JADE3: variants seen among roughly 807,000 people sequenced by gnomAD.
JADE3 encodes protein Jade-3.
In JADE3, 2 loss-of-function variants were observed where a neutral mutation model predicts 50.1. That is an observed-to-expected ratio of 0.04 (90% CI 0.02 to 0.13). The LOEUF (loss-of-function observed/expected upper bound fraction) is 0.13. JADE3 is among the 10% of genes least tolerant of loss of function. The probability of loss-of-function intolerance (pLI) is 1.00; values close to 1 mark genes in which losing one functional copy is unlikely to be tolerated. For synonymous variants in JADE3, 218 were observed against 232.9 expected (o/e 0.94, Z 0.58); for missense variants, 475 against 634.4 (o/e 0.75, Z 2.70).
At chrX:47,007,850 T>A (rs1928467622) in intron 4 of JADE3, among the ~76,000 whole-genome samples, 1 of 107,502 alleles carries the variant, frequency 9.3e-6, no homozygotes, top group African/African-American at 3.4e-5. Flanking sequence ...TGTGTGTGTG[T>A]GTGTGTTCTC....
chrX:46,968,459 A>G (rs1432839951), intron 1 of JADE3, among the ~76,000 whole-genome samples: 1 of 111,368 alleles, frequency 9.0e-6, no homozygotes, highest in African/African-American at 3.3e-5. Context: ...CTGTAGTCCT[A>G]GCTACCTGGG....
chrX:46,929,096 G>A, intron 1 of JADE3, among the ~76,000 whole-genome samples: 1 of 110,866 alleles, frequency 9.0e-6, no homozygotes, highest in South Asian at 3.8e-4. Context: ...GCTCTTCCCT[G>A]GCTCCAGTTT....
chrX:46,925,208 C>T (rs782817622), intron 1 of JADE3, among the ~76,000 whole-genome samples: 2 of 112,482 alleles, frequency 1.8e-5, no homozygotes, highest in Non-Finnish European at 3.8e-5. Flanking sequence ...TGACATCCTC[C>T]TCCTATCACA....
intron 6 of JADE3, among the ~76,000 whole-genome samples, chrX:47,031,966 CG>C (rs1929028865): frequency 9.0e-6 from 1 of 111,612 alleles, no homozygotes; most frequent in Non-Finnish European, 1.9e-5. Flanking sequence ...GTGGGACAAA[CG>C]CAAGGGGCTA....
chrX:47,008,961 A>G (rs1928498517), intron 4 of JADE3, among the ~76,000 whole-genome samples: 1 of 111,131 alleles, frequency 9.0e-6, no homozygotes, highest in African/African-American at 3.3e-5. Flanking sequence ...ATATACACAT[A>G]GATACATTAT....
chrX:47,020,980 G>A (rs1384505090), intron 4 of JADE3, among the ~76,000 whole-genome samples: 4 of 110,562 alleles, frequency 3.6e-5, no homozygotes, highest in Non-Finnish European at 5.7e-5. Flanking sequence ...CCATCGTGGT[G>A]GTGTGTACCT....
intron 3 of JADE3, among the ~76,000 whole-genome samples, chrX:46,990,591 C>T (rs782327511): frequency 3.6e-5 from 4 of 111,415 alleles, no homozygotes; most frequent in Admixed American, 9.5e-5. Context: ...AGGAGAGGTG[C>T]CTCATTATTG....
In JADE3 at chrX:46,982,558, G is replaced by C. The variant is rs973896428; in HGVS notation, c.-11-2326G>C. On this transcript the variant is annotated intron_variant, in intron 1 of 10. Coordinates refer to ENST00000614628, the MANE Select transcript of JADE3 (RefSeq NM_014735.5). ...GGATAATATATTGTAACAATTGTGGGTACTACCCCTCCACCAGGGTTCTTT... is the reference window on the plus strand; with the variant it reads ...GGATAATATATTGTAACAATTGTGGCTACTACCCCTCCACCAGGGTTCTTT... 3.6e-5 allele frequency among the ~76,000 whole-genome samples: 4 copies of C among 111,187 alleles called. No homozygotes were observed. The East Asian group carries it at 8.5e-4, about 24-fold the overall frequency.
At chrX:46,954,991 T>C (rs1022449288) in intron 1 of JADE3, among the ~76,000 whole-genome samples, 1 of 112,559 alleles carries the variant, frequency 8.9e-6, no homozygotes, top group Non-Finnish European at 1.9e-5. Context: ...AGAACCTTAC[T>C]GGTTTAAAAG....
chrX:46,937,833 T>G (rs1431269046), intron 1 of JADE3, among the ~76,000 whole-genome samples: 2 of 110,276 alleles, frequency 1.8e-5, no homozygotes, highest in Non-Finnish European at 3.8e-5. Context: ...ATACAAAAAG[T>G]AGCCGGGCAT....
intron 1 of JADE3, among the ~76,000 whole-genome samples, chrX:46,917,858 C>CTCCTCCTCT (rs1926133174): frequency 8.8e-5 from 2 of 22,834 alleles, no homozygotes; most frequent in Admixed American, 5.4e-4. Context: ...TCTCTCTCAT[C>CTCCTCCTCT]CTCTCTCTCT....
intron 8 of JADE3, among the ~76,000 whole-genome samples, chrX:47,052,055 C>T (rs1929520467): frequency 8.9e-6 from 1 of 111,747 alleles, no homozygotes; most frequent in African/African-American, 3.3e-5. Flanking sequence ...AATCGCGCCA[C>T]TGCACTCCAG....
intron 4 of JADE3, among the ~76,000 whole-genome samples, chrX:47,004,210 G>A (rs1192557428): frequency 9.0e-6 from 1 of 111,397 alleles, no homozygotes; most frequent in Admixed American, 9.7e-5. Flanking sequence ...ACAGGCAGGA[G>A]CCAGTGCACC....
chrX:47,012,095 A>G (rs1928575135), intron 4 of JADE3, among the ~76,000 whole-genome samples: 2 of 111,350 alleles, frequency 1.8e-5, no homozygotes, highest in African/African-American at 3.3e-5. Flanking sequence ...CACACCTCCT[A>G]TGTTGTCTTT....
At chrX:47,042,430 A>G (rs1280951117) in intron 8 of JADE3, among the ~76,000 whole-genome samples, 10 of 111,502 alleles carry the variant, frequency 9.0e-5, no homozygotes, top group Non-Finnish European at 7.5e-5. Flanking sequence ...CAATTAATAG[A>G]TTGATGGATG....
chrX:46,931,716 G>A (rs185700207), intron 1 of JADE3, among the ~76,000 whole-genome samples: 35 of 111,818 alleles, frequency 3.1e-4, no homozygotes, highest in African/African-American at 9.4e-4. Flanking sequence ...GAGCCACTAC[G>A]CCCAGCCTAT....
intron 8 of JADE3, among the ~76,000 whole-genome samples, chrX:47,047,536 C>T (rs1158135038): frequency 9.6e-6 from 1 of 103,744 alleles, no homozygotes. Flanking sequence ...GCAACAAGAG[C>T]GAAACTCCAT....
At chrX:46,994,163 A>G (rs534077158) in intron 3 of JADE3, among the ~76,000 whole-genome samples, 1 of 112,425 alleles carries the variant, frequency 8.9e-6, no homozygotes, top group Non-Finnish European at 1.9e-5. Flanking sequence ...GCCAACTGAG[A>G]GATGTTAATG....
chrX:47,020,311 A>G (rs1928768281), intron 4 of JADE3, among the ~76,000 whole-genome samples: 1 of 109,010 alleles, frequency 9.2e-6, no homozygotes, highest in South Asian at 4.1e-4. Context: ...AGCCTGGGCA[A>G]CAGAGTGAGA....
Sources: allele counts gnomAD v4.1 joint callset (sites outside exome capture counted in the v4.1 genomes callset), GRCh38; gene constraint gnomAD v4.1.1; transcripts MANE v1.5; gene names NCBI Gene and HGNC (gene_info 2026-07-23, HGNC 2026-07-21).